TET2: variants seen among roughly 807,000 people sequenced by gnomAD.
TET2 encodes methylcytosine dioxygenase TET2.
In TET2, 299 loss-of-function variants were observed where a neutral mutation model predicts 142.9. The ratio of observed to expected loss-of-function variants is 2.09; its 90% CI spans 1.90 to 2.30. TET2 has a LOEUF of 2.30. Ranked by LOEUF, TET2 falls within the 30% of genes most tolerant of loss-of-function variation. TET2 has a pLI of 0.00. For synonymous variants in TET2, 819 were observed against 849.0 expected (o/e 0.96, Z 0.61); for missense variants, 2,418 against 2,378.0 (o/e 1.02, Z -0.35).
intron 5 of TET2, 112 bp from the exon 6 acceptor site, chr4:105,243,458 A>G (rs1238648621): frequency 2.1e-6 from 2 of 975,074 alleles, no homozygotes; most frequent in African/African-American, 3.2e-5. Flanking sequence ...CCTAATTGTG[A>G]TCTAAACATG....
Position 105,155,026 on chromosome 4 carries a change from C to CA in TET2, c.-193+8056dup, listed in dbSNP as rs575784632. 1.3e-3 allele frequency among the ~76,000 whole-genome samples: 195 copies of CA among 150,278 alleles called. 4 individuals are homozygous for CA. Among genetic ancestry groups the CA allele is most frequent in the Middle Eastern group, 3.4e-3 (1 of 292 alleles). On this transcript the variant is annotated intron_variant, in intron 1 of 10. Coordinates refer to ENST00000380013, the MANE Select transcript of TET2 (RefSeq NM_001127208.3). ...GGTGACAAAATGAGACCCTCTCTCT[C>CA]AAAAAAAAACTATAAAAATTGCTGT... is the stretch of plus-strand genomic sequence containing the variant.
chr4:105,164,223 G>A (rs1724034813), intron 1 of TET2, among the ~76,000 whole-genome samples: 1 of 152,106 alleles, frequency 6.6e-6, no homozygotes. Flanking sequence ...CAACCACCAT[G>A]TTACTCTCTG....
Position 105,277,924 on chromosome 4 carries a change from T to C in TET2, c.*1405T>C, listed in dbSNP as rs1325208814. The C allele has an allele frequency of 1.4e-5, 3 of 215,696 alleles. No individual in the cohort carries two copies. The highest frequency in any genetic ancestry group is 6.8e-5 in the African/African-American group (3 of 44,224). The allele number at this position is 215,696 out of a possible 1,614,324, so 13.4% of individuals were successfully genotyped here. A position where few individuals can be genotyped will look rare whatever the true frequency, so the allele number is the denominator to read the frequency against. On this transcript the variant is annotated 3_prime_UTR_variant, in exon 11 of 11. Coordinates refer to ENST00000380013, the MANE Select transcript of TET2 (RefSeq NM_001127208.3). Reference sequence around the variant, plus strand: ...CATTGTGACGTTGTCATTTCTTAGCTTAAGTGTCCTCTTTAACAAGAGGAT... The same window carrying C: ...CATTGTGACGTTGTCATTTCTTAGCCTAAGTGTCCTCTTTAACAAGAGGAT...
intron 2 of TET2, among the ~76,000 whole-genome samples, chr4:105,192,306 T>C (rs1373691745): frequency 6.6e-6 from 1 of 152,208 alleles, no homozygotes; most frequent in African/African-American, 2.4e-5. Flanking sequence ...CTCAAAAATC[T>C]TGTTTTGCAT....
chr4:105,158,940 C>T (rs1483239491), intron 1 of TET2, among the ~76,000 whole-genome samples: 2 of 152,160 alleles, frequency 1.3e-5, no homozygotes, highest in East Asian at 1.9e-4. Flanking sequence ...GCTTTCTCTC[C>T]TTCCAGTTAC....
At chr4:105,181,114 T>C (rs151086871) in intron 1 of TET2, among the ~76,000 whole-genome samples, 69 of 152,332 alleles carry the variant, frequency 4.5e-4, no homozygotes, top group African/African-American at 1.5e-3. Context: ...TATATTTCTA[T>C]CTAGAATATT....
intron 6 of TET2, among the ~76,000 whole-genome samples, chr4:105,248,636 GT>G (rs1216209537): frequency 6.6e-6 from 1 of 151,944 alleles, no homozygotes; most frequent in African/African-American, 2.4e-5. Context: ...ATTCCCCCAT[GT>G]TTTTTTCTAA....
At chr4:105,214,815 C>A (rs1341556618) in intron 2 of TET2, among the ~76,000 whole-genome samples, 1 of 152,108 alleles carries the variant, frequency 6.6e-6, no homozygotes, top group Non-Finnish European at 1.5e-5. Context: ...TTATACTTCA[C>A]CCTAAGCATC....
At chr4:105,245,568 G>A (rs1353932555) in intron 6 of TET2, among the ~76,000 whole-genome samples, 1 of 152,072 alleles carries the variant, frequency 6.6e-6, no homozygotes, top group African/African-American at 2.4e-5. Context: ...GACCTCGGGT[G>A]ATCCGCCCGC....
intron 1 of TET2, among the ~76,000 whole-genome samples, chr4:105,188,600 A>G (rs1725600604): frequency 1.3e-5 from 2 of 152,228 alleles, no homozygotes; most frequent in Admixed American, 6.5e-5. Context: ...CTAAAAGTGG[A>G]AGTAACCCAA....
intron 2 of TET2, among the ~76,000 whole-genome samples, chr4:105,223,825 G>GAC (rs1217334870): frequency 1.3e-5 from 2 of 152,074 alleles, no homozygotes; most frequent in Non-Finnish European, 2.9e-5. Context: ...CAGTGGAAGT[G>GAC]ACAGAGAGAT....
In TET2 at chr4:105,236,160, CA is replaced by C. The variant is rs2110232379; in HGVS notation, c.2222del (p.Asn741ThrfsTer10). The C allele has an allele frequency of 6.2e-7, 1 of 1,614,072 alleles. No individual in the cohort carries two copies. The highest frequency in any genetic ancestry group is 8.5e-7 in the Non-Finnish European group (1 of 1,179,988). On this transcript the variant is annotated frameshift_variant, in exon 3 of 11. Coordinates refer to ENST00000380013, the MANE Select transcript of TET2 (RefSeq NM_001127208.3). LOFTEE classifies it high-confidence loss of function. ...ACCATCCCAGAGTTCACATCTCCCT[CA>C]AAACCAGCAACAGCAGCAAAAATTA... Reference protein sequence around the residue: ...TQPSQSSHLPQNQQQQQKLQI... With the variant: ...TQPSQSSHLPXNQQQQQKLQI...
intron 2 of TET2, among the ~76,000 whole-genome samples, chr4:105,203,080 T>C (rs978206517): frequency 6.6e-6 from 1 of 152,216 alleles, no homozygotes; most frequent in African/African-American, 2.4e-5. Context: ...TGGCACATGG[T>C]AGGTAATTAA....
chr4:105,151,070 A>G (rs1723274102), intron 1 of TET2, among the ~76,000 whole-genome samples: 1 of 152,206 alleles, frequency 6.6e-6, no homozygotes, highest in Non-Finnish European at 1.5e-5. Context: ...CTGTAATCCT[A>G]GCACTTTGGG....
At chr4:105,157,277 GA>G (rs1310586142) in intron 1 of TET2, among the ~76,000 whole-genome samples, 4 of 149,994 alleles carry the variant, frequency 2.7e-5, no homozygotes, top group East Asian at 1.9e-4. Flanking sequence ...AAAAATGAAG[GA>G]AAAAAAAATC....
intron 1 of TET2, among the ~76,000 whole-genome samples, chr4:105,159,181 G>C (rs1327652971): frequency 6.6e-6 from 1 of 151,852 alleles, no homozygotes; most frequent in Non-Finnish European, 1.5e-5. Flanking sequence ...ATTCCCTAAC[G>C]CATGGTTTTC....
At position 105,276,067 on chromosome 4, in the gene TET2, A is replaced by G; in HGVS notation, c.5557A>G (p.Ser1853Gly). ...TGAGGTCTGGTCAGACAGCGAGCAGAGCTTTCTGGATCCTGACATTGGGGG... is the reference window on the plus strand; with the variant it reads ...TGAGGTCTGGTCAGACAGCGAGCAGGGCTTTCTGGATCCTGACATTGGGGG... ...NDEVWSDSEQSFLDPDIGGVA... is the reference protein window; with the variant it reads ...NDEVWSDSEQGFLDPDIGGVA... The change falls in exon 11 of 11, where the codon AGC becomes GGC. Residue 1853 changes from serine to glycine, a missense_variant. Coordinates refer to ENST00000380013, the MANE Select transcript of TET2 (RefSeq NM_001127208.3). The G allele has an allele frequency of 6.4e-7, 1 of 1,551,708 alleles. No individual in the cohort carries two copies. The highest frequency in any genetic ancestry group is 8.7e-7 in the Non-Finnish European group (1 of 1,146,980).
chr4:105,269,568 AAACT>A lies in TET2; in HGVS notation c.4045-36_4045-33del, dbSNP rs779933673. 8.7e-5 allele frequency: 135 copies of A among 1,547,404 alleles called. No individual in the cohort carries two copies. In the East Asian group the frequency reaches 1.2e-3, roughly 14 times the overall value. On this transcript the variant is annotated intron_variant, in intron 8 of 10. Transcript: ENST00000380013. ...CTAGTGAGTTTTCGGTGTAAGAGTA[AAACT>A]AACTACTTTCGCATTCACACACACT...
intron 3 of TET2, chr4:105,240,909 G>T: frequency 9.3e-7 from 1 of 1,080,972 alleles, no homozygotes; most frequent in Non-Finnish European, 1.1e-6. Context: ...AATATTCTGG[G>T]GGTGGGATAG....
Sources: gnomAD v4.1 joint callset for allele counts (sites outside exome capture counted in the v4.1 genomes callset) on GRCh38, gnomAD v4.1.1 for gene constraint, MANE v1.5 for transcripts, NCBI Gene and HGNC (gene_info 2026-07-23, HGNC 2026-07-21) for gene names.